Variants in ZNF385D observed in about 807,000 individuals in gnomAD.
ZNF385D encodes the protein zinc finger protein 385D.
In ZNF385D, 15 loss-of-function variants were observed where a neutral mutation model predicts 35.8. The ratio of observed to expected loss-of-function variants is 0.42; its 90% CI spans 0.28 to 0.64. ZNF385D has a LOEUF of 0.64. Ranked by LOEUF, ZNF385D falls within the 30% of genes least tolerant of loss-of-function variation. The pLI, the probability that ZNF385D is intolerant of heterozygous loss-of-function variation, is 0.23. For synonymous variants in ZNF385D, 212 were observed against 186.8 expected, an observed-to-expected ratio of 1.13 and a Z score of -1.10; for missense variants, 474 against 494.6, an observed-to-expected ratio of 0.96 and a Z score of 0.39.
At chr3:22,287,980 G>C (rs1702112291) in intron 2 of ZNF385D, among the ~76,000 whole-genome samples, 1 of 152,074 alleles carries the variant, frequency 6.6e-6, no homozygotes, top group African/African-American at 2.4e-5. Context: ...GTCTGAGAAA[G>C]TCTGTATCAT....
Position 21,420,574 on chromosome 3 carries a change from T to G in ZNF385D, c.*640A>C, listed in dbSNP as rs1700690504. 1 of 152,262 alleles carries G rather than the reference T, an allele frequency of 6.6e-6. No individual in the cohort carries two copies. The highest frequency in any genetic ancestry group is 6.5e-5 in the Admixed American group (1 of 15,290). The allele number at this position is 152,262 out of a possible 1,614,324, so 9.4% of individuals were successfully genotyped here. A position where few individuals can be genotyped will look rare whatever the true frequency, so the allele number is the denominator to read the frequency against. On this transcript the variant is annotated 3_prime_UTR_variant, in exon 8 of 8. Coordinates refer to ENST00000281523, the MANE Select transcript of ZNF385D (RefSeq NM_024697.3). ...CATGACACCATCCGGTGTATGTTTATTTTTTGACTGCTTATTGGTATGAAA... is the reference window on the plus strand; with the variant it reads ...CATGACACCATCCGGTGTATGTTTAGTTTTTGACTGCTTATTGGTATGAAA...
At chr3:21,828,479 A>T (rs1414691294) in intron 3 of ZNF385D, among the ~76,000 whole-genome samples, 1 of 152,216 alleles carries the variant, frequency 6.6e-6, no homozygotes, top group Non-Finnish European at 1.5e-5. Flanking sequence ...AGTGGGAGTT[A>T]TAATTGCAGT....
chr3:21,759,272 G>C (rs750135430), intron 3 of ZNF385D, among the ~76,000 whole-genome samples: 2 of 151,922 alleles, frequency 1.3e-5, no homozygotes, highest in South Asian at 4.1e-4. Context: ...ATATTGACCC[G>C]GACTGATATA....
At chr3:21,459,171 T>C (rs1559310440) in intron 4 of ZNF385D, among the ~76,000 whole-genome samples, 1 of 152,134 alleles carries the variant, frequency 6.6e-6, no homozygotes, top group Non-Finnish European at 1.5e-5. Flanking sequence ...TTTAAGTGCT[T>C]TTGGGCTATC....
chr3:21,917,045 T>G (rs1419773921), intron 3 of ZNF385D, among the ~76,000 whole-genome samples: 4 of 152,184 alleles, frequency 2.6e-5, no homozygotes, highest in Non-Finnish European at 5.9e-5. Context: ...CTAATTAGTT[T>G]GAAGGGAAGA....
chr3:22,271,620 A>T (rs908469596), intron 2 of ZNF385D, among the ~76,000 whole-genome samples: 4 of 151,888 alleles, frequency 2.6e-5, no homozygotes, highest in Non-Finnish European at 5.9e-5. Flanking sequence ...GTGTTTCCTG[A>T]AACACAACTT....
intron 2 of ZNF385D, among the ~76,000 whole-genome samples, chr3:22,358,829 C>G (rs907190066): frequency 2.0e-5 from 3 of 151,612 alleles, no homozygotes; most frequent in African/African-American, 7.3e-5. Context: ...AATGACTGAA[C>G]AGCATTGATA....
At chr3:21,848,094 T>C in intron 3 of ZNF385D, among the ~76,000 whole-genome samples, 1 of 152,010 alleles carries the variant, frequency 6.6e-6, no homozygotes, top group South Asian at 2.1e-4. Flanking sequence ...TGTGACTGAC[T>C]TATTTCACTT....
intron 3 of ZNF385D, among the ~76,000 whole-genome samples, chr3:21,903,450 G>A (rs1044391546): frequency 6.6e-6 from 1 of 152,078 alleles, no homozygotes; most frequent in East Asian, 1.9e-4. Flanking sequence ...AGTCTCTGAG[G>A]CTGGCTTCAT....
chr3:22,031,876 TATAA>T (rs1408070879), intron 3 of ZNF385D, among the ~76,000 whole-genome samples: 1 of 152,208 alleles, frequency 6.6e-6, no homozygotes, highest in Admixed American at 6.5e-5. Context: ...TGTGAACACA[TATAA>T]ATAAACACTT....
intron 2 of ZNF385D, among the ~76,000 whole-genome samples, chr3:21,621,685 T>C (rs955793523): frequency 4.6e-5 from 7 of 151,624 alleles, no homozygotes. Context: ...GACAGAGGCA[T>C]GTGAGCTGTA....
chr3:21,902,991 A>C (rs921806231), intron 3 of ZNF385D, among the ~76,000 whole-genome samples: 3 of 152,162 alleles, frequency 2.0e-5, no homozygotes, highest in African/African-American at 7.2e-5. Context: ...CTTTGAGACC[A>C]CAACTCAAAC....
At chr3:21,804,520 T>C (rs1032694572) in intron 3 of ZNF385D, among the ~76,000 whole-genome samples, 2 of 152,148 alleles carry the variant, frequency 1.3e-5, no homozygotes, top group African/African-American at 2.4e-5. Flanking sequence ...GAGTGATATT[T>C]CTTTTTCATT....
chr3:21,947,132 G>C (rs1029645204), intron 3 of ZNF385D, among the ~76,000 whole-genome samples: 2 of 152,114 alleles, frequency 1.3e-5, no homozygotes, highest in African/African-American at 4.8e-5. Flanking sequence ...ACTCATGAAA[G>C]TTTGTAATAA....
At chr3:21,458,315 G>GAA (rs4045438) in intron 4 of ZNF385D, among the ~76,000 whole-genome samples, 42,615 of 141,284 alleles carry the variant, frequency 0.3, 7,492 homozygotes, top group African/African-American at 0.5. Flanking sequence ...ACTCTTAAAG[G>GAA]AAAAAAAAAA....
At chr3:21,751,227 G>C, upstream of ZNF385D, 1 of 1,239,458 alleles carries the variant, frequency 8.1e-7, no homozygotes, top group Non-Finnish European at 1.0e-6. Flanking sequence ...ACTACAAGCA[G>C]ACCCCTCCAC....
At chr3:21,986,684 C>A (rs1242472561) in intron 3 of ZNF385D, among the ~76,000 whole-genome samples, 1 of 139,938 alleles carries the variant, frequency 7.1e-6, no homozygotes, top group African/African-American at 3.1e-5. Context: ...TCTATTAGGT[C>A]CGCTTGGTGC....
chr3:21,841,450 G>A lies in ZNF385D; in HGVS notation c.326-176422C>T, dbSNP rs764151040. Among the ~76,000 whole-genome samples, 4 of 151,992 alleles carry A rather than the reference G, an allele frequency of 2.6e-5. No homozygotes were observed. In the South Asian group the frequency reaches 8.3e-4, roughly 31 times the overall value. ...GAACATTTCATTTTAAAAAAAGTCA[G>A]ACTACTGTATTAATTTATCTTCCCA... On this transcript the variant is annotated intron_variant, in intron 3 of 5. Transcript: ENST00000494108.
chr3:21,555,449 T>A (rs188842222), intron 3 of ZNF385D, among the ~76,000 whole-genome samples: 2 of 152,236 alleles, frequency 1.3e-5, no homozygotes, highest in African/African-American at 4.8e-5. Flanking sequence ...CTCCCACTTA[T>A]GAGAACATGC....
Sources: allele counts gnomAD v4.1 joint callset (sites outside exome capture counted in the v4.1 genomes callset), GRCh38; gene constraint gnomAD v4.1.1; transcripts MANE v1.5; gene names NCBI Gene and HGNC (gene_info 2026-07-23, HGNC 2026-07-21).